WDR70: variants seen among roughly 807,000 people sequenced by gnomAD.
WDR70 encodes WD repeat-containing protein 70.
In WDR70, 53 loss-of-function variants were observed where a neutral mutation model predicts 88.6. That is an observed-to-expected ratio of 0.60 (90% CI 0.48 to 0.75). The LOEUF is 0.75. Among genes scored for constraint, WDR70 ranks in the 30% least tolerant of loss-of-function variants. WDR70 has a pLI of 0.00. For synonymous variants in WDR70, 280 were observed against 270.0 expected (o/e 1.04, Z -0.36); for missense variants, 610 against 823.2 (o/e 0.74, Z 3.17).
chr5:37,514,339 C>CATACATACATATATATATATATATAT (rs1330415670), intron 8 of WDR70, among the ~76,000 whole-genome samples: 17 of 28,728 alleles, frequency 5.9e-4, no homozygotes, highest in African/African-American at 8.9e-4. Flanking sequence ...TTTAGAACTA[C>CATACATACATATATATATATATATAT]ATATATATAT....
chr5:37,631,876 T>C (rs1744828399), intron 10 of WDR70, among the ~76,000 whole-genome samples: 1 of 152,186 alleles, frequency 6.6e-6, no homozygotes, highest in Non-Finnish European at 1.5e-5. Flanking sequence ...CTACTACTTA[T>C]CTGTGCACCC....
chr5:37,431,145 T>C (rs1750291480), intron 5 of WDR70, among the ~76,000 whole-genome samples: 1 of 152,224 alleles, frequency 6.6e-6, no homozygotes, highest in African/African-American at 2.4e-5. Flanking sequence ...TGAGCCCCTG[T>C]GCCTGGCCAT....
At chr5:37,558,445 G>A (rs1386176591) in intron 9 of WDR70, among the ~76,000 whole-genome samples, 1 of 151,802 alleles carries the variant, frequency 6.6e-6, no homozygotes. Flanking sequence ...GGGCCTCTCA[G>A]GTAGCTGGGA....
At chr5:37,565,378 C>G (rs541128972) in intron 9 of WDR70, among the ~76,000 whole-genome samples, 2 of 152,160 alleles carry the variant, frequency 1.3e-5, no homozygotes, top group African/African-American at 4.8e-5. Context: ...TTAAAAATCC[C>G]TTTTTTCTTC....
At chr5:37,642,557 T>C (rs1745131716) in intron 10 of WDR70, among the ~76,000 whole-genome samples, 1 of 152,160 alleles carries the variant, frequency 6.6e-6, no homozygotes, top group Admixed American at 6.5e-5. Flanking sequence ...ACAAATCAGT[T>C]TGGCAAAAGC....
At chr5:37,554,476 TG>T (rs1232195207) in intron 9 of WDR70, among the ~76,000 whole-genome samples, 1 of 152,096 alleles carries the variant, frequency 6.6e-6, no homozygotes, top group Non-Finnish European at 1.5e-5. Flanking sequence ...GAAAGATGAA[TG>T]GAAGTCCAGG....
At chr5:37,545,667 A>G (rs1342300886) in intron 9 of WDR70, among the ~76,000 whole-genome samples, 1 of 151,946 alleles carries the variant, frequency 6.6e-6, no homozygotes, top group Non-Finnish European at 1.5e-5. Flanking sequence ...GATTACAGGT[A>G]TGCACCACCA....
intron 10 of WDR70, among the ~76,000 whole-genome samples, chr5:37,640,296 AT>A (rs1191703508): frequency 6.6e-6 from 1 of 152,150 alleles, no homozygotes; most frequent in Admixed American, 6.5e-5. Context: ...TGTTGTTTCA[AT>A]TTTTAATGCT....
At chr5:37,510,077 T>G (rs1561880926) in intron 8 of WDR70, among the ~76,000 whole-genome samples, 1 of 144,432 alleles carries the variant, frequency 6.9e-6, no homozygotes, top group East Asian at 2.0e-4. Context: ...AAACAAACAC[T>G]CCCCCCCCCA....
At chr5:37,455,705 A>G (rs1471256762) in intron 7 of WDR70, among the ~76,000 whole-genome samples, 1 of 94,124 alleles carries the variant, frequency 1.1e-5, no homozygotes, top group Non-Finnish European at 2.1e-5. Flanking sequence ...CTAATTTTCT[A>G]CTCTTTTAAT....
At chr5:37,738,066 G>T (rs1748356413) in intron 17 of WDR70, among the ~76,000 whole-genome samples, 1 of 149,992 alleles carries the variant, frequency 6.7e-6, no homozygotes, top group African/African-American at 2.4e-5. Flanking sequence ...CAACAACTTC[G>T]ATTAGCTCTT....
chr5:37,510,717 T>A (rs908064256), intron 8 of WDR70, among the ~76,000 whole-genome samples: 1 of 152,362 alleles, frequency 6.6e-6, no homozygotes, highest in South Asian at 2.1e-4. Flanking sequence ...CAGGCTCTGA[T>A]CAAGATCACA....
chr5:37,400,179 C>CT (rs1251994641), intron 5 of WDR70, among the ~76,000 whole-genome samples: 1 of 152,168 alleles, frequency 6.6e-6, no homozygotes, highest in African/African-American at 2.4e-5. Context: ...GGTGATCCAC[C>CT]TGCCTCGGCC....
chr5:37,605,364 C>A, intron 10 of WDR70, 126 bp downstream of exon 10: 1 of 1,027,868 alleles, frequency 9.7e-7, no homozygotes, highest in Non-Finnish European at 1.3e-6. Context: ...CTAATTTAAA[C>A]TTCAGTGTTA....
At chr5:37,627,357 C>T (rs1262703730) in intron 10 of WDR70, among the ~76,000 whole-genome samples, 2 of 152,182 alleles carry the variant, frequency 1.3e-5, no homozygotes, top group East Asian at 1.9e-4. Context: ...GATCCTCCAA[C>T]CTTGGCCTCC....
chr5:37,671,309 T>G (rs1007186471), intron 10 of WDR70, among the ~76,000 whole-genome samples: 1 of 152,190 alleles, frequency 6.6e-6, no homozygotes, highest in Non-Finnish European at 1.5e-5. Context: ...TTTAGGACCT[T>G]TCTGAGAAGA....
chr5:37,626,572 C>T (rs576327913), intron 10 of WDR70, among the ~76,000 whole-genome samples: 7 of 152,068 alleles, frequency 4.6e-5, no homozygotes, highest in Admixed American at 3.9e-4. Context: ...TGTAGTTTTC[C>T]GCTTGTTGTC....
intron 10 of WDR70, among the ~76,000 whole-genome samples, chr5:37,608,730 T>A (rs531411033): frequency 1.9e-4 from 29 of 152,168 alleles, no homozygotes; most frequent in Admixed American, 1.8e-3. Context: ...GCTAATTTTC[T>A]TGTTTTTTAT....
At chr5:37,668,863 T>C (rs1462259388) in intron 10 of WDR70, among the ~76,000 whole-genome samples, 4 of 152,168 alleles carry the variant, frequency 2.6e-5, no homozygotes, top group African/African-American at 9.7e-5. Flanking sequence ...AGATAAAAAA[T>C]AAATGCTAAG....
Sources: allele counts gnomAD v4.1 joint callset (sites outside exome capture counted in the v4.1 genomes callset), GRCh38; gene constraint gnomAD v4.1.1; transcripts MANE v1.5; gene names NCBI Gene and HGNC (gene_info 2026-07-23, HGNC 2026-07-21).